NAPA: variants seen among roughly 807,000 people sequenced by gnomAD.
The protein encoded by NAPA is alpha-soluble NSF attachment protein.
A neutral mutation model predicts 48.0 loss-of-function variants in NAPA; 18 were observed. The ratio of observed to expected loss-of-function variants is 0.38; its 90% CI spans 0.26 to 0.56. NAPA has a LOEUF of 0.56. Ranked by LOEUF, NAPA falls within the 20% of genes least tolerant of loss-of-function variation. NAPA has a pLI of 0.77. For synonymous variants in NAPA, 152 were observed against 149.9 expected, an observed-to-expected ratio of 1.01 and a Z score of -0.10; for missense variants, 315 against 385.0, an observed-to-expected ratio of 0.82 and a Z score of 1.52.
chr19:47,504,516 C>T (rs1295543949), intron 1 of NAPA, among the ~76,000 whole-genome samples: 1 of 151,122 alleles, frequency 6.6e-6, no homozygotes, highest in East Asian at 1.9e-4. Context: ...GCATTTTTCT[C>T]TTAAGGTGAA....
rs111212174 is a variant in NAPA, at chr19:47,490,327, T to C, written c.735+461A>G. ...GTGTGTCGTGTGTGTGTAGTGTGTG[T>C]GCGATATGTGTGGTGTGTGATGTGT... On this transcript the variant is annotated intron_variant, in intron 9 of 10. Coordinates refer to ENST00000263354, the MANE Select transcript of NAPA (RefSeq NM_003827.4). 1.6e-4 allele frequency among the ~76,000 whole-genome samples: 24 copies of C among 146,144 alleles called. 1 individual carries two copies. Among genetic ancestry groups the C allele is most frequent in the Admixed American group, 3.4e-4 (5 of 14,566 alleles).
At chr19:47,484,841 T>G (rs1475168802), downstream of NAPA, among the ~76,000 whole-genome samples, 1 of 151,708 alleles carries the variant, frequency 6.6e-6, no homozygotes, top group Admixed American at 6.6e-5. Flanking sequence ...GCAGCTGGGA[T>G]TACAGGCGCC....
downstream of NAPA, among the ~76,000 whole-genome samples, chr19:47,484,706 A>ATTTTT (rs35425298): frequency 7.7e-6 from 1 of 129,172 alleles, no homozygotes; most frequent in Non-Finnish European, 1.6e-5. Context: ...ACAGTTCACT[A>ATTTTT]TTTTTTTTTT....
At chr19:47,499,172 G>A (rs537513287) in intron 3 of NAPA, among the ~76,000 whole-genome samples, 1 of 152,246 alleles carries the variant, frequency 6.6e-6, no homozygotes, top group Non-Finnish European at 1.5e-5. Flanking sequence ...CAAACGCAGG[G>A]GAGGGACCCC....
In NAPA at chr19:47,495,532, C is replaced by G; in HGVS notation, c.342+18G>C. ...GCAGTGGGACCCGGGGGTGTCAGGACAAGCAAGCAGCCCTTACCATGTCTG... is the reference window on the plus strand; with the variant it reads ...GCAGTGGGACCCGGGGGTGTCAGGAGAAGCAAGCAGCCCTTACCATGTCTG... On this transcript the variant is annotated intron_variant, in intron 4 of 10. Coordinates refer to ENST00000263354, the MANE Select transcript of NAPA (RefSeq NM_003827.4). The G allele has an allele frequency of 6.2e-7, 1 of 1,613,610 alleles. No individual in the cohort carries two copies. Among genetic ancestry groups the G allele is most frequent in the Non-Finnish European group, 8.5e-7 (1 of 1,179,662 alleles).
rs1252628179 is a variant in NAPA, at chr19:47,490,868, G to A, written c.667-12C>T. The A allele has an allele frequency of 6.2e-7, 1 of 1,612,750 alleles. No homozygotes were observed. The highest frequency in any genetic ancestry group is 1.7e-5 in the Admixed American group (1 of 59,870). On this transcript the variant is annotated splice_polypyrimidine_tract_variant and intron_variant, in intron 8 of 10. Coordinates refer to ENST00000263354, the MANE Select transcript of NAPA (RefSeq NM_003827.4). ...TTTTGGACAGCCAGCTGGGCAGCAG[G>A]GAAGGGAGAAGATGAGTTAGTAACA...
chr19:47,512,254 G>A (rs1281928961), intron 1 of NAPA, among the ~76,000 whole-genome samples: 1 of 152,008 alleles, frequency 6.6e-6, no homozygotes, highest in Non-Finnish European at 1.5e-5. Context: ...GTAGATCTCT[G>A]TTGCACCATC....
chr19:47,493,416 C>T lies in NAPA; in HGVS notation c.420G>A (p.Lys140=), dbSNP rs1408232929. ...CATGCAGGGCCCTGCTGCCACTCAC[C>T]TTCTCGATGTCCACCAACTCTGTCT... is the stretch of plus-strand genomic sequence containing the variant. ...IYETELVDIE[K]AIAHYEQSAD... is the part of the protein sequence containing the mutation. Residue 140 remains lysine (K), a splice_region_variant and synonymous_variant, in exon 5 of 11, where the codon AAG becomes AAA. Transcript: ENST00000263354. This position sits in a 1 kb window ranked among gnomAD's most constrained non-coding sequence, Gnocchi z 6.4. 6.2e-7 allele frequency: 1 copy of T among 1,614,036 alleles called. No homozygotes were observed. Among genetic ancestry groups the T allele is most frequent in the African/African-American group, 1.3e-5 (1 of 75,052 alleles).
Position 47,503,511 on chromosome 19 carries a change from A to G in NAPA, c.99-9T>C. 1 of 1,613,310 alleles carries G rather than the reference A, an allele frequency of 6.2e-7. No individual in the cohort carries two copies. The highest frequency in any genetic ancestry group is 8.5e-7 in the Non-Finnish European group (1 of 1,179,196). On this transcript the variant is annotated splice_polypyrimidine_tract_variant and intron_variant, in intron 1 of 10. Transcript: ENST00000263354. ...CTATTTTGGATGAGCCTCTGGGGAA[A>G]AAGGAAAGAAAAAAAGGAGACAATC...
At chr19:47,509,364 AAAATAAAAT>A (rs1279189167) in intron 1 of NAPA, among the ~76,000 whole-genome samples, 1 of 151,128 alleles carries the variant, frequency 6.6e-6, no homozygotes, top group Admixed American at 6.6e-5. Context: ...AAAATAAAAT[AAAATAAAAT>A]AAATGCTGAC....
rs761534958 is a variant in NAPA, at chr19:47,491,994, TGCGG to T, written c.666+17_666+20del. The T allele has an allele frequency of 1.9e-6, 3 of 1,607,070 alleles. No homozygotes were observed. The Admixed American group carries it at 5.0e-5, about 27-fold the overall frequency. On this transcript the variant is annotated intron_variant, in intron 8 of 10. Transcript: ENST00000263354. ...ACATGGTGGCCTGGTGCGGTGGTCC[TGCGG>T]GCGTGGGGTGTGCTACCTTGGCGTT...
rs180770103 is a variant in NAPA, at chr19:47,514,836, T to A, written c.98+7A>T. ...GGTCCCGGCCGACCCCTCAGCCCGGTTCTCACCCAAAGAGGCCAGAGAAGA... is the reference window on the plus strand; with the variant it reads ...GGTCCCGGCCGACCCCTCAGCCCGGATCTCACCCAAAGAGGCCAGAGAAGA... On this transcript the variant is annotated splice_region_variant and intron_variant, in intron 1 of 10. Coordinates refer to ENST00000263354, the MANE Select transcript of NAPA (RefSeq NM_003827.4). 930 of 1,613,366 alleles carry A rather than the reference T, an allele frequency of 5.8e-4. 4 individuals carry two copies. In the African/African-American group the frequency reaches 0.011, roughly 19 times the overall value.
intron 1 of NAPA, among the ~76,000 whole-genome samples, chr19:47,509,048 C>T (rs1968750041): frequency 6.6e-6 from 1 of 151,960 alleles, no homozygotes; most frequent in South Asian, 2.1e-4. Context: ...TGCCCTCCAG[C>T]CTGGGCAACA....
At chr19:47,489,881 T>C in intron 9 of NAPA, 120 bp from the exon 10 acceptor site, 2 of 951,498 alleles carry the variant, frequency 2.1e-6, no homozygotes, top group South Asian at 2.8e-5. Context: ...CTGAGGACTC[T>C]CAGAGGGTCA....
At chr19:47,513,098 G>A (rs830138) in intron 1 of NAPA, among the ~76,000 whole-genome samples, 97,642 of 151,868 alleles carry the variant, frequency 0.64, 35,799 homozygotes, top group Non-Finnish European at 0.82. Context: ...CTTTCGGGTC[G>A]TCCCATCAGC....
chr19:47,504,598 T>C (rs983786316), intron 1 of NAPA, among the ~76,000 whole-genome samples: 5 of 151,110 alleles, frequency 3.3e-5, no homozygotes, highest in African/African-American at 1.2e-4. Flanking sequence ...ACTGTCTGAA[T>C]TTTTTTTTAA....
At chr19:47,490,483 G>C (rs1968228389) in intron 9 of NAPA, among the ~76,000 whole-genome samples, 4 of 80,592 alleles carry the variant, frequency 5.0e-5, no homozygotes, top group Non-Finnish European at 9.8e-5. Context: ...TGGTGTGTGT[G>C]GTGTGGTGTG....
chr19:47,495,802 G>A (rs1968408150), intron 3 of NAPA: 1 of 588,140 alleles, frequency 1.7e-6, no homozygotes, highest in Non-Finnish European at 3.0e-6. Flanking sequence ...TGAGAGGGCT[G>A]ACTCTGCAGA....
intron 1 of NAPA, among the ~76,000 whole-genome samples, chr19:47,509,003 G>A (rs1336376466): frequency 1.3e-5 from 2 of 152,026 alleles, no homozygotes; most frequent in Non-Finnish European, 2.9e-5. Flanking sequence ...TTGAGCCCAG[G>A]AGGTTGAGAC....
Sources: gnomAD v4.1 joint callset for allele counts (sites outside exome capture counted in the v4.1 genomes callset) on GRCh38, gnomAD v4.1.1 for gene constraint, Gnocchi (gnomAD v3.1) non-coding constraint, MANE v1.5 for transcripts, NCBI Gene and HGNC (gene_info 2026-07-23, HGNC 2026-07-21) for gene names.